Variants in RBFOX1 observed in about 807,000 individuals in gnomAD.
RBFOX1 encodes the protein RNA binding fox-1 homolog 1, also known as RNA binding protein fox-1 homolog 1.
In RBFOX1, 8 loss-of-function variants were observed where a neutral mutation model predicts 57.7. The observed-to-expected ratio is 0.14, with a 90% CI of 0.08 to 0.25. The LOEUF (loss-of-function observed/expected upper bound fraction) is 0.25. RBFOX1 is among the 10% of genes least tolerant of loss of function. The pLI is 1.00. For synonymous variants in RBFOX1, 326 were observed against 222.4 expected, an observed-to-expected ratio of 1.47 and a Z score of -4.15; for missense variants, 611 against 548.5, an observed-to-expected ratio of 1.11 and a Z score of -1.14.
chr16:6,919,022 C>G (rs971236279), intron 3 of RBFOX1, among the ~76,000 whole-genome samples: 4 of 152,144 alleles, frequency 2.6e-5, no homozygotes, highest in African/African-American at 9.7e-5. Flanking sequence ...GCTCATTCAT[C>G]CAGGCTGGAG....
intron 4 of RBFOX1, among the ~76,000 whole-genome samples, chr16:7,281,541 A>T (rs968195379): frequency 1.3e-5 from 2 of 152,120 alleles, no homozygotes; most frequent in Non-Finnish European, 2.9e-5. Context: ...CCATTATGTA[A>T]GTGTTAACTA....
intron 2 of RBFOX1, among the ~76,000 whole-genome samples, chr16:6,618,921 AAC>A (rs1401203402): frequency 6.6e-6 from 1 of 152,128 alleles, no homozygotes; most frequent in Non-Finnish European, 1.5e-5. Flanking sequence ...CATCCGTAAA[AAC>A]AGAGTCATAG....
chr16:6,986,594 G>A (rs2090342493), intron 3 of RBFOX1, among the ~76,000 whole-genome samples: 2 of 152,196 alleles, frequency 1.3e-5, no homozygotes, highest in Non-Finnish European at 2.9e-5. Flanking sequence ...GCCTGGCCCA[G>A]AATCACCAGT....
At chr16:6,042,244 G>A (rs1241749037) in intron 1 of RBFOX1, among the ~76,000 whole-genome samples, 1 of 135,638 alleles carries the variant, frequency 7.4e-6, no homozygotes, top group Non-Finnish European at 1.7e-5. Flanking sequence ...GGGACTACAG[G>A]CACACACCAC....
At chr16:5,896,982 G>T (rs148297520) in intron 4 of RBFOX1, among the ~76,000 whole-genome samples, 1,848 of 140,628 alleles carry the variant, frequency 0.013, 16 homozygotes, top group Middle Eastern at 0.02. Flanking sequence ...AAATCATAAG[G>T]CTCTCCACCC....
At chr16:7,698,534 C>T (rs911053499) in intron 14 of RBFOX1, among the ~76,000 whole-genome samples, 6 of 152,136 alleles carry the variant, frequency 3.9e-5, no homozygotes, top group East Asian at 1.9e-4. Flanking sequence ...TCTCAACCTA[C>T]ACATGCTGCC....
At chr16:7,062,202 C>G (rs2054530796) in intron 4 of RBFOX1, among the ~76,000 whole-genome samples, 1 of 151,032 alleles carries the variant, frequency 6.6e-6, no homozygotes, top group Non-Finnish European at 1.5e-5. Flanking sequence ...GCCTGCAGTT[C>G]CAGCTACTCA....
rs113131663 is a variant in RBFOX1, at chr16:7,530,503, TA to T, written c.270+12129del. ...TTCTCACAAAGACTTCCAGACTTCT[TA>T]AAAAAAAAAAAAAAGTCTTCATTTT... On this transcript the variant is annotated intron_variant, in intron 5 of 15. Transcript: ENST00000550418. Among the ~76,000 whole-genome samples, 842 of 138,452 alleles carry T rather than the reference TA, an allele frequency of 6.1e-3. 2 individuals carry two copies. The highest frequency in any genetic ancestry group is 0.014 in the African/African-American group (514 of 37,670). 90.8% of individuals were successfully genotyped at this position (138,452 alleles called of 152,430 possible).
At chr16:6,825,890 C>T (rs559536771) in intron 3 of RBFOX1, among the ~76,000 whole-genome samples, 91 of 152,286 alleles carry the variant, frequency 6.0e-4, no homozygotes, top group African/African-American at 2.1e-3. Context: ...TAGGTGGCAG[C>T]AAGACTTTAG....
In RBFOX1 at chr16:6,693,030, C is replaced by G. The variant is rs537695673; in HGVS notation, c.-16+38380C>G. ...TCACAACCATCATCATCAACATCAT[C>G]CCCATCCACTACCATCACCACCATC... is the stretch of plus-strand genomic sequence containing the variant. On this transcript the variant is annotated intron_variant, in intron 3 of 15. Transcript: ENST00000550418. 8.3e-3 allele frequency among the ~76,000 whole-genome samples: 1,266 copies of G among 152,124 alleles called. 5 individuals carry two copies. Among genetic ancestry groups the G allele is most frequent in the Non-Finnish European group, 0.013 (913 of 67,970 alleles).
chr16:6,926,400 G>C (rs1372487733), intron 3 of RBFOX1, among the ~76,000 whole-genome samples: 1 of 152,180 alleles, frequency 6.6e-6, no homozygotes, highest in South Asian at 2.1e-4. Flanking sequence ...TACCCACTGG[G>C]ATCCTCACCA....
At chr16:5,810,518 T>G (rs2055384005) in intron 3 of RBFOX1, among the ~76,000 whole-genome samples, 1 of 152,124 alleles carries the variant, frequency 6.6e-6, no homozygotes, top group African/African-American at 2.4e-5. Context: ...CAGGCGATGC[T>G]CAGCTCAGCA....
chr16:7,271,656 A>G (rs1380610901), intron 4 of RBFOX1, among the ~76,000 whole-genome samples: 4 of 152,184 alleles, frequency 2.6e-5, no homozygotes, highest in African/African-American at 9.7e-5. Flanking sequence ...CTGATGTACC[A>G]TTGATGGCTC....
chr16:5,312,153 C>A (rs911612955), intron 1 of RBFOX1, among the ~76,000 whole-genome samples: 2 of 152,102 alleles, frequency 1.3e-5, no homozygotes, highest in Non-Finnish European at 2.9e-5. Flanking sequence ...ACATGGAATG[C>A]GTGTTTGGGA....
intron 3 of RBFOX1, among the ~76,000 whole-genome samples, chr16:5,787,531 G>T (rs1022147800): frequency 1.3e-5 from 2 of 152,344 alleles, no homozygotes; most frequent in Middle Eastern, 6.8e-3. Context: ...CTCAAGGACA[G>T]TATGGTTTAA....
At chr16:5,842,501 CA>C (rs1350830218) in intron 3 of RBFOX1, among the ~76,000 whole-genome samples, 2 of 152,210 alleles carry the variant, frequency 1.3e-5, no homozygotes, top group African/African-American at 4.8e-5. Flanking sequence ...TGTGTCATTT[CA>C]GTCCCTAAGT....
chr16:6,801,659 C>A (rs77625436), intron 3 of RBFOX1, among the ~76,000 whole-genome samples: 1 of 151,830 alleles, frequency 6.6e-6, no homozygotes, highest in Non-Finnish European at 1.5e-5. Flanking sequence ...GTTTCTGGAC[C>A]AAACTGAGGG....
Position 7,260,074 on chromosome 16 carries a change from T to C in RBFOX1, c.27+207976T>C, listed in dbSNP as rs181033751. On this transcript the variant is annotated intron_variant, in intron 4 of 15. Transcript: ENST00000550418. ...CAGAGACTGTCTATTCACTGTTTTG[T>C]TTCTGTAAATATATAACCATATATT... Among the ~76,000 whole-genome samples, 23 of 152,316 alleles carry C rather than the reference T, an allele frequency of 1.5e-4. 1 individual carries two copies. In the East Asian group the frequency reaches 4.2e-3, roughly 28 times the overall value.
At chr16:7,126,918 A>G (rs768981010) in intron 4 of RBFOX1, among the ~76,000 whole-genome samples, 2 of 151,538 alleles carry the variant, frequency 1.3e-5, no homozygotes, top group Non-Finnish European at 2.9e-5. Context: ...CTGAGGCAGG[A>G]GAATAGCTTA....
Sources: gnomAD v4.1 joint callset for allele counts (sites outside exome capture counted in the v4.1 genomes callset) on GRCh38, gnomAD v4.1.1 for gene constraint, MANE v1.5 for transcripts, NCBI Gene and HGNC (gene_info 2026-07-23, HGNC 2026-07-21) for gene names.